Variants in NOXRED1 observed in about 807,000 individuals in gnomAD.
NOXRED1 encodes the protein NADP-dependent oxidoreductase domain-containing protein 1.
In NOXRED1, 20 loss-of-function variants were observed where a neutral mutation model predicts 30.4. The observed-to-expected ratio is 0.66, with a 90% confidence interval of 0.46 to 0.96. The LOEUF (loss-of-function observed/expected upper bound fraction) is 0.96, where lower values mean the gene tolerates loss of function less well. Ranked by LOEUF, NOXRED1 falls within the 40% of genes least tolerant of loss-of-function variation. The probability of loss-of-function intolerance (pLI) is 0.00; values close to 1 mark genes in which losing one functional copy is unlikely to be tolerated. For missense variants in NOXRED1, 374 were observed against 428.0 expected (o/e 0.87, Z 1.11); for synonymous variants, 155 against 168.0 (o/e 0.92, Z 0.60).
intron 2 of NOXRED1, among the ~76,000 whole-genome samples, chr14:77,409,443 T>A (rs1412668867): frequency 2.0e-5 from 3 of 152,212 alleles, no homozygotes; most frequent in Non-Finnish European, 4.4e-5. Flanking sequence ...CCTTCCACCA[T>A]GACTGTAAGT....
At chr14:77,425,819 T>C (rs1234860422), upstream of NOXRED1, among the ~76,000 whole-genome samples, 2 of 152,196 alleles carry the variant, frequency 1.3e-5, no homozygotes, top group African/African-American at 4.8e-5. Context: ...GGGGCAAAAC[T>C]GCCTCCAGTT....
intron 5 of NOXRED1, among the ~76,000 whole-genome samples, chr14:77,400,498 T>A (rs1894298301): frequency 6.6e-6 from 1 of 152,194 alleles, no homozygotes; most frequent in South Asian, 2.1e-4. Context: ...ATTTTAGGAA[T>A]ACAGGAGACA....
chr14:77,419,488 G>A lies in NOXRED1; in HGVS notation c.155+3247C>T, dbSNP rs191441503. On this transcript the variant is annotated intron_variant, in intron 1 of 5. Coordinates refer to ENST00000380835, the MANE Select transcript of NOXRED1 (RefSeq NM_001113475.3). ...TTTTGAGACAGAGTCTCGCTCTTTC[G>A]CCCAGGCTGGACTGCAGTGGTGCAA... is the stretch of plus-strand genomic sequence containing the variant. Among the ~76,000 whole-genome samples, 864 of 113,212 alleles carry A rather than the reference G, an allele frequency of 7.6e-3. 10 individuals carry two copies. Among genetic ancestry groups the A allele is most frequent in the African/African-American group, 0.028 (820 of 29,112 alleles). The allele number at this position is 113,212 out of a possible 152,430, so 74.3% of individuals were successfully genotyped here. A position where few individuals can be genotyped will look rare whatever the true frequency, so the allele number is the denominator to read the frequency against.
rs1413923932 is a variant in NOXRED1, at chr14:77,413,993, T to C, written c.290A>G (p.Gln97Arg). The C allele has an allele frequency of 2.5e-6, 4 of 1,611,058 alleles. No homozygotes were observed. Among genetic ancestry groups the C allele is most frequent in the Non-Finnish European group, 3.4e-6 (4 of 1,178,034 alleles). Residue 97 changes from glutamine (Q) to arginine (R), a missense_variant, in exon 2 of 6, where the codon CAG becomes CGG. Coordinates refer to ENST00000380835, the MANE Select transcript of NOXRED1 (RefSeq NM_001113475.3). ...LGKQLAGTLL[Q>R]LGPIPAESLR... Reference sequence around the variant, plus strand: ...GCTTTCAGCAGGGATGGGGCCAAGCTGCAGCAGTGTGCCAGCCAGCTGCTT... The same window carrying C: ...GCTTTCAGCAGGGATGGGGCCAAGCCGCAGCAGTGTGCCAGCCAGCTGCTT...
At chr14:77,410,923 A>G (rs555389253) in intron 2 of NOXRED1, among the ~76,000 whole-genome samples, 13 of 152,332 alleles carry the variant, frequency 8.5e-5, no homozygotes, top group Admixed American at 4.6e-4. Context: ...TTGAAAAAAT[A>G]CATTAGAAGT....
At chr14:77,406,590 TACACACACAC>T (rs56942412) in intron 4 of NOXRED1, 124 bp downstream of exon 4, 25,602 of 769,044 alleles carry the variant, frequency 0.033, 209 homozygotes, top group East Asian at 0.14. Context: ...CCTTGTGCCT[TACACACACAC>T]ACACACACAC....
chr14:77,415,645 G>GACAT (rs1300645745), intron 1 of NOXRED1, among the ~76,000 whole-genome samples: 4 of 150,508 alleles, frequency 2.7e-5, no homozygotes, highest in Non-Finnish European at 5.9e-5. Context: ...CAGACAGACA[G>GACAT]ACATATAGAT....
At chr14:77,409,083 G>A (rs191054466) in intron 2 of NOXRED1, among the ~76,000 whole-genome samples, 54 of 151,952 alleles carry the variant, frequency 3.6e-4, no homozygotes, top group Non-Finnish European at 6.3e-4. Context: ...TGTCATAAAT[G>A]TCATTGGAAA....
intron 1 of NOXRED1, among the ~76,000 whole-genome samples, chr14:77,421,623 A>C (rs1423041837): frequency 6.6e-6 from 1 of 152,234 alleles, no homozygotes; most frequent in Non-Finnish European, 1.5e-5. Context: ...GAACTGAGAA[A>C]CTAAGGATGA....
chr14:77,418,247 G>A (rs528891157), intron 1 of NOXRED1, among the ~76,000 whole-genome samples: 166 of 151,864 alleles, frequency 1.1e-3, no homozygotes, highest in African/African-American at 3.7e-3. Context: ...TGATCCTCCC[G>A]CCTCAGCCTC....
intron 5 of NOXRED1, among the ~76,000 whole-genome samples, chr14:77,401,527 C>G (rs1351076049): frequency 2.0e-5 from 3 of 152,144 alleles, no homozygotes; most frequent in African/African-American, 7.2e-5. Flanking sequence ...AAGATCCCAT[C>G]TCTACAAAAA....
chr14:77,406,914 C>G, intron 3 of NOXRED1, 39 bp from the exon 4 acceptor site: 1 of 1,583,472 alleles, frequency 6.3e-7, no homozygotes, highest in Non-Finnish European at 8.6e-7. Context: ...AATGCCAGGA[C>G]TGGAATAAAT....
At position 77,394,835 on chromosome 14, in the gene NOXRED1, T is replaced by C. The variant is rs773718667; in HGVS notation, c.906-30A>G. ...GGTGAAAAAAATATTGTTACTTTTT[T>C]ATGTCTGTTCAGTATATCTGATTTG... On this transcript the variant is annotated intron_variant, in intron 5 of 5. Transcript: ENST00000380835. 51 of 1,563,996 alleles carry C rather than the reference T, an allele frequency of 3.3e-5. No individual in the cohort carries two copies. In the South Asian group the frequency reaches 5.4e-4, roughly 17 times the overall value.
chr14:77,411,480 A>C (rs1253820205), intron 2 of NOXRED1, among the ~76,000 whole-genome samples: 1 of 78,860 alleles, frequency 1.3e-5, no homozygotes, highest in Non-Finnish European at 2.7e-5. Flanking sequence ...AAAAAAAAAA[A>C]AAAAAAAAAA....
At chr14:77,409,687 T>C (rs1368014410) in intron 2 of NOXRED1, among the ~76,000 whole-genome samples, 1 of 152,208 alleles carries the variant, frequency 6.6e-6, no homozygotes, top group Non-Finnish European at 1.5e-5. Flanking sequence ...ACACAACACA[T>C]AGTGATATTT....
chr14:77,394,398 G>A lies in NOXRED1; in HGVS notation c.*233C>T, dbSNP rs1475257745. 2.8e-6 allele frequency: 1 copy of A among 354,650 alleles called. No individual in the cohort carries two copies. Among genetic ancestry groups the A allele is most frequent in the African/African-American group, 2.1e-5 (1 of 47,904 alleles). 22.0% of individuals were successfully genotyped at this position (354,650 alleles called of 1,614,324 possible). Reference sequence around the variant, plus strand: ...CTGCGGGAGCAGCTTACTTAAGTTAGGTTGTGTAGTTTCACTAGTTGCTTC... The same window carrying A: ...CTGCGGGAGCAGCTTACTTAAGTTAAGTTGTGTAGTTTCACTAGTTGCTTC... On this transcript the variant is annotated 3_prime_UTR_variant, in exon 6 of 6. Coordinates refer to ENST00000380835, the MANE Select transcript of NOXRED1 (RefSeq NM_001113475.3).
intron 2 of NOXRED1, among the ~76,000 whole-genome samples, chr14:77,411,736 T>C (rs189022211): frequency 1.3e-5 from 2 of 152,236 alleles, no homozygotes; most frequent in African/African-American, 4.8e-5. Context: ...GGTTTCACAG[T>C]TGTATACGTG....
At chr14:77,401,893 A>G (rs1236866280) in intron 5 of NOXRED1, among the ~76,000 whole-genome samples, 1 of 152,248 alleles carries the variant, frequency 6.6e-6, no homozygotes, top group Non-Finnish European at 1.5e-5. Flanking sequence ...AAATATAGTT[A>G]ACTGCTCTTT....
rs771709423 is a variant in NOXRED1, at chr14:77,407,445, T to C, written c.530+20A>G. 5.0e-6 allele frequency: 8 copies of C among 1,593,348 alleles called. No individual in the cohort carries two copies. The highest frequency in any genetic ancestry group is 6.9e-6 in the Non-Finnish European group (8 of 1,162,040). On this transcript the variant is annotated intron_variant, in intron 3 of 5. Coordinates refer to ENST00000380835, the MANE Select transcript of NOXRED1 (RefSeq NM_001113475.3). The stretch of plus-strand genomic sequence containing the variant: ...AGACAGAGCAGTTGTGCCAGTTCCA[T>C]TCTCACCCTAACAAGATACCTGGGT...
Sources: gnomAD v4.1 joint callset for allele counts (sites outside exome capture counted in the v4.1 genomes callset) on GRCh38, gnomAD v4.1.1 for gene constraint, MANE v1.5 for transcripts, NCBI Gene and HGNC (gene_info 2026-07-23, HGNC 2026-07-21) for gene names.